FREM2: variants seen among roughly 807,000 people sequenced by gnomAD.
The protein encoded by FREM2 is FRAS1 related extracellular matrix 2.
FREM2 carries 119 observed loss-of-function variants against 219.9 expected under a neutral mutation model. The ratio of observed to expected loss-of-function variants is 0.54; its 90% CI spans 0.47 to 0.63. The LOEUF (loss-of-function observed/expected upper bound fraction) is 0.63, where lower values mean the gene tolerates loss of function less well. Ranked by LOEUF, FREM2 falls within the 30% of genes least tolerant of loss-of-function variation. The probability of loss-of-function intolerance (pLI) is 0.00; values close to 1 mark genes in which losing one functional copy is unlikely to be tolerated. For missense variants in FREM2, 4,030 were observed against 3,993.6 expected (o/e 1.01, Z -0.25); for synonymous variants, 1,562 against 1,522.8 (o/e 1.03, Z -0.60).
rs1877167666 is a variant in FREM2 at position 38,846,655 on chromosome 13, C to T, written c.6102C>T (p.Gly2034=). ...TGGAAGTGCAGGTGTGGAGAACGGG[C>T]ACTGACCTGTCCAAGTCTTCTAGTG... is the stretch of plus-strand genomic sequence containing the variant. The part of the protein sequence containing the change: ...GYVEVQVWRT[G]TDLSKSSSVT... Residue 2034 remains glycine, a synonymous_variant, in exon 7 of 24, where the codon GGC becomes GGT. Coordinates refer to ENST00000280481, the MANE Select transcript of FREM2 (RefSeq NM_207361.6). 1 of 1,613,810 alleles carries T rather than the reference C, an allele frequency of 6.2e-7. No homozygotes were observed. The highest frequency in any genetic ancestry group is 1.3e-5 in the African/African-American group (1 of 75,012).
intron 2 of FREM2, among the ~76,000 whole-genome samples, chr13:38,718,509 T>C (rs567313259): frequency 6.6e-4 from 100 of 152,304 alleles, no homozygotes; most frequent in African/African-American, 2.3e-3. Flanking sequence ...TCTTTTGAAC[T>C]TGGAATTCCT....
intron 2 of FREM2, among the ~76,000 whole-genome samples, chr13:38,713,265 G>A (rs543945546): frequency 6.6e-6 from 1 of 152,214 alleles, no homozygotes; most frequent in African/African-American, 2.4e-5. Flanking sequence ...GCTCAGCTTT[G>A]CCACTTATTA....
At position 38,884,650 on chromosome 13, in the gene FREM2, A is replaced by C. The variant is rs960265100; in HGVS notation, c.*3863A>C. 2 of 152,198 alleles carry C rather than the reference A, an allele frequency of 1.3e-5. No individual in the cohort carries two copies. The highest frequency in any genetic ancestry group is 4.8e-5 in the African/African-American group (2 of 41,444). 9.4% of individuals were successfully genotyped at this position (152,198 alleles called of 1,614,324 possible). A position where few individuals can be genotyped will look rare whatever the true frequency, so the allele number is the denominator to read the frequency against. ...CAGCAGTAATAAAAGGATGAAAACA[A>C]GTGTCTTCACTAAGCGTATGGCCAA... On this transcript the variant is annotated 3_prime_UTR_variant, in exon 24 of 24. Transcript: ENST00000280481.
At chr13:38,740,021 T>C (rs76822523) in intron 2 of FREM2, among the ~76,000 whole-genome samples, 1 of 152,196 alleles carries the variant, frequency 6.6e-6, no homozygotes. Context: ...TAAGTTTCTT[T>C]ACAATAAATA....
chr13:38,767,732 A>G (rs1461961820), intron 3 of FREM2, among the ~76,000 whole-genome samples: 1 of 152,188 alleles, frequency 6.6e-6, no homozygotes, highest in African/African-American at 2.4e-5. Flanking sequence ...TGCACAAGGA[A>G]CCAGAGAGCT....
At position 38,880,448 on chromosome 13, in the gene FREM2, C is replaced by A; in HGVS notation, c.9171C>A (p.Ser3057Arg). 1 of 1,614,130 alleles carries A rather than the reference C, an allele frequency of 6.2e-7. No individual in the cohort carries two copies. Among genetic ancestry groups the A allele is most frequent in the Non-Finnish European group, 8.5e-7 (1 of 1,180,028 alleles). Residue 3057 changes from serine (S) to arginine (R), a missense_variant, in exon 24 of 24, where the codon AGC becomes AGA. By Grantham distance (110) the Ser-to-Arg change is moderately radical (BLOSUM62 -1). Transcript: ENST00000280481. ...GCCGGAAGAAGAGAGAGATCAGGAG[C>A]ACACCCTCACTGGCATGGGAGATTG... ...TKSRKKREIR[S>R]TPSLAWEIGA...
chr13:38,800,559 G>T (rs1874970607), intron 6 of FREM2, among the ~76,000 whole-genome samples: 1 of 152,028 alleles, frequency 6.6e-6, no homozygotes, highest in South Asian at 2.1e-4. Flanking sequence ...CATCTGTTTG[G>T]GGATATATGG....
At chr13:38,749,258 A>G (rs1401608456) in intron 2 of FREM2, among the ~76,000 whole-genome samples, 3 of 152,202 alleles carry the variant, frequency 2.0e-5, no homozygotes, top group Admixed American at 1.3e-4. Context: ...AGGATTAGCC[A>G]TAAATGTTGA....
Position 38,864,467 on chromosome 13 carries a change from G to T in FREM2, c.7844G>T (p.Ser2615Ile). The T allele has an allele frequency of 6.2e-7, 1 of 1,614,176 alleles. No homozygotes were observed. The highest frequency in any genetic ancestry group is 8.5e-7 in the Non-Finnish European group (1 of 1,180,030). Residue 2615 changes from serine to isoleucine, a missense_variant, in exon 16 of 24, where the codon AGC becomes ATC. This residue lies in a region of FREM2 where 928 missense variants were observed against 1,042.9 expected (regional missense o/e 0.89). Transcript: ENST00000280481. ...GGAGAGACATATCCTTACCAGTACAGCTTGTCCATCAGAGGTTCCACTACC... is the reference window on the plus strand; with the variant it reads ...GGAGAGACATATCCTTACCAGTACATCTTGTCCATCAGAGGTTCCACTACC... ...IIGETYPYQY[S>I]LSIRGSTTLR...
intron 6 of FREM2, among the ~76,000 whole-genome samples, chr13:38,843,364 G>A (rs12869917): frequency 0.12 from 18,731 of 151,816 alleles, 1,392 homozygotes; most frequent in Admixed American, 0.21. Flanking sequence ...TTGTACTGGG[G>A]TAGGGGTATT....
At chr13:38,782,946 T>C in intron 4 of FREM2, 124 bp from the exon 5 acceptor site, 1 of 1,176,742 alleles carries the variant, frequency 8.5e-7, no homozygotes, top group Non-Finnish European at 1.3e-6. Context: ...CCTCCCACTA[T>C]GTTATTCTAA....
chr13:38,857,913 C>A lies in FREM2; in HGVS notation c.7095C>A (p.Ser2365Arg). ...KAIVYIEEMS[S>R]MADVTFPSVP... ...TTGTGTACATAGAAGAAATGAGCAG[C>A]ATGGCAGATGTCACTTTTCCTTCTG... Residue 2365 changes from serine (S) to arginine (R), a missense_variant, in exon 13 of 24, where the codon AGC (serine) becomes AGA (arginine). By Grantham distance (110) the Ser-to-Arg change is moderately radical. Around this residue, in one of 2 missense-constraint regions of FREM2, gnomAD observed 928 missense variants for 1,042.9 expected, o/e 0.89. Coordinates refer to ENST00000280481, the MANE Select transcript of FREM2 (RefSeq NM_207361.6). 2 of 1,613,452 alleles carry A rather than the reference C, an allele frequency of 1.2e-6. No homozygotes were observed. Among genetic ancestry groups the A allele is most frequent in the Admixed American group, 3.3e-5 (2 of 60,020 alleles).
Position 38,688,689 on chromosome 13 carries a change from C to G in FREM2, c.1345C>G (p.Leu449Val), listed in dbSNP as rs190063725. ...PVVTRNTGLI[L>V]YEGQSRPLTG... ...GGTCACCCGGAATACCGGTCTTATT[C>G]TCTATGAGGGTCAGTCTCGGCCCCT... The change falls in exon 1 of 24, where the codon CTC (leucine) becomes GTC (valine). Residue 449 changes from leucine to valine, a missense_variant. By Grantham distance (32) the Leu-to-Val change is conservative. Coordinates refer to ENST00000280481, the MANE Select transcript of FREM2 (RefSeq NM_207361.6). 9.9e-5 allele frequency: 160 copies of G among 1,614,150 alleles called. 1 individual carries two copies. Among genetic ancestry groups the G allele is most frequent in the Middle Eastern group, 9.9e-4 (6 of 6,062 alleles).
intron 23 of FREM2, 58 bp downstream of exon 23, chr13:38,879,035 C>A: frequency 6.9e-7 from 1 of 1,458,808 alleles, no homozygotes; most frequent in Non-Finnish European, 9.6e-7. Context: ...AGTTATGGAA[C>A]ATTTATATGC....
intron 2 of FREM2, among the ~76,000 whole-genome samples, chr13:38,725,487 G>C (rs1054404680): frequency 3.3e-5 from 5 of 152,228 alleles, no homozygotes; most frequent in African/African-American, 1.2e-4. Context: ...TTCAAGCTGA[G>C]CCCTGATGAG....
Position 38,764,323 on chromosome 13 carries a change from C to T in FREM2, c.5283C>T (p.Tyr1761=). The change falls in exon 3 of 24, where the codon TAC becomes TAT. Residue 1761 remains tyrosine (Y), a synonymous_variant. Coordinates refer to ENST00000280481, the MANE Select transcript of FREM2 (RefSeq NM_207361.6). ...VEDGGGNKLT[Y]QNFRLNWAWI... ...TTCAAGGTGGAAACAAGTTAACGTA[C>T]CAGAATTTTCGTCTGAATTGGGCAT... 6.2e-7 allele frequency: 1 copy of T among 1,611,872 alleles called. No homozygotes were observed.
chr13:38,722,629 G>A (rs932894111), intron 2 of FREM2, among the ~76,000 whole-genome samples: 1 of 151,962 alleles, frequency 6.6e-6, no homozygotes, highest in Admixed American at 6.6e-5. Flanking sequence ...CAGTAGGTCT[G>A]GATGGGATTC....
intron 2 of FREM2, among the ~76,000 whole-genome samples, chr13:38,742,971 C>G (rs929283040): frequency 3.3e-5 from 5 of 152,186 alleles, no homozygotes; most frequent in African/African-American, 1.2e-4. Flanking sequence ...GACAATAATA[C>G]TGTTAGCACT....
chr13:38,705,099 T>C (rs932139411), intron 2 of FREM2, among the ~76,000 whole-genome samples: 2 of 152,206 alleles, frequency 1.3e-5, no homozygotes, highest in African/African-American at 4.8e-5. Context: ...ATTTGTGTTT[T>C]AGAAAGATGA....
Sources: gnomAD v4.1 joint callset for allele counts (sites outside exome capture counted in the v4.1 genomes callset) on GRCh38, gnomAD v4.1.1 for gene constraint, gnomAD v4.1.1 regional missense constraint, MANE v1.5 for transcripts, NCBI Gene and HGNC (gene_info 2026-07-23, HGNC 2026-07-21) for gene names.